CLASP2: variants seen among roughly 807,000 people sequenced by gnomAD.
CLASP2 encodes the protein cytoplasmic linker associated protein 2.
In CLASP2, 47 loss-of-function variants were observed where a neutral mutation model predicts 194.4. The observed-to-expected ratio is 0.24, with a 90% CI of 0.19 to 0.31. The LOEUF is 0.31. Among genes scored for constraint, CLASP2 ranks in the 10% least tolerant of loss-of-function variants. CLASP2 has a pLI of 1.00. For synonymous variants in CLASP2, 619 were observed against 633.5 expected, an observed-to-expected ratio of 0.98 and a Z score of 0.34; for missense variants, 1,445 against 1,823.6, an observed-to-expected ratio of 0.79 and a Z score of 3.78.
At chr3:33,588,134 T>C (rs970254438) in intron 21 of CLASP2, among the ~76,000 whole-genome samples, 1 of 152,178 alleles carries the variant, frequency 6.6e-6, no homozygotes, top group Non-Finnish European at 1.5e-5. Context: ...TCAGTGTTCA[T>C]TTTGCTTTAA....
At chr3:33,690,156 C>G (rs1479206403) in intron 2 of CLASP2, among the ~76,000 whole-genome samples, 1 of 152,008 alleles carries the variant, frequency 6.6e-6, no homozygotes, top group African/African-American at 2.4e-5. Flanking sequence ...AAAAAAACAG[C>G]AAAACTAAAT....
chr3:33,502,857 T>C (rs2047152112), intron 37 of CLASP2: 1 of 152,218 alleles, frequency 6.6e-6, no homozygotes, highest in African/African-American at 2.4e-5. Context: ...TTTTCCATCA[T>C]TTTAATATAA....
At chr3:33,709,464 A>T (rs931870009) in intron 1 of CLASP2, among the ~76,000 whole-genome samples, 1 of 152,126 alleles carries the variant, frequency 6.6e-6, no homozygotes, top group Non-Finnish European at 1.5e-5. Context: ...ATAAGGGGGA[A>T]TCCTTTTAAA....
intron 7 of CLASP2, among the ~76,000 whole-genome samples, chr3:33,651,885 C>G (rs920264654): frequency 6.6e-6 from 1 of 152,128 alleles, no homozygotes; most frequent in Admixed American, 6.5e-5. Flanking sequence ...TCTCAAACTC[C>G]TGACCTCAGG....
intron 1 of CLASP2, among the ~76,000 whole-genome samples, chr3:33,698,058 T>C (rs979543704): frequency 1.1e-4 from 16 of 151,926 alleles, no homozygotes; most frequent in Admixed American, 3.3e-4. Flanking sequence ...CTCTTAAGAC[T>C]AAGGGCTGAG....
intron 27 of CLASP2, among the ~76,000 whole-genome samples, chr3:33,565,828 A>T (rs1020276162): frequency 6.6e-6 from 1 of 151,374 alleles, no homozygotes; most frequent in Non-Finnish European, 1.5e-5. Context: ...AAGAAAAAAA[A>T]ATACAGTATA....
At chr3:33,604,461 T>A (rs923547292) in intron 16 of CLASP2, among the ~76,000 whole-genome samples, 1 of 151,936 alleles carries the variant, frequency 6.6e-6, no homozygotes, top group South Asian at 2.1e-4. Context: ...TGGGACTATA[T>A]GTGCCTGCCA....
At chr3:33,571,811 CAG>C (rs1228053417) in intron 25 of CLASP2, among the ~76,000 whole-genome samples, 3 of 152,060 alleles carry the variant, frequency 2.0e-5, no homozygotes, top group East Asian at 1.9e-4. Flanking sequence ...TCTTTAAAAA[CAG>C]AAACAACAAC....
At chr3:33,668,101 C>A (rs969389421) in intron 6 of CLASP2, among the ~76,000 whole-genome samples, 10 of 152,236 alleles carry the variant, frequency 6.6e-5, no homozygotes, top group Admixed American at 3.3e-4. Flanking sequence ...GGCCTGTAAT[C>A]CCAGCTACTT....
intron 37 of CLASP2, among the ~76,000 whole-genome samples, chr3:33,506,046 C>T (rs181911259): frequency 1.2e-4 from 19 of 152,082 alleles, no homozygotes; most frequent in African/African-American, 4.6e-4. Flanking sequence ...GTGTAAACTT[C>T]ATGAAGTATT....
chr3:33,627,779 A>AG (rs771215350), intron 9 of CLASP2, among the ~76,000 whole-genome samples: 7 of 152,164 alleles, frequency 4.6e-5, no homozygotes, highest in South Asian at 2.1e-4. Flanking sequence ...TATACATAAG[A>AG]GGAGGTTGAC....
intron 3 of CLASP2, 39 bp downstream of exon 3, chr3:33,689,790 T>C: frequency 7.2e-7 from 1 of 1,397,142 alleles, no homozygotes; most frequent in Non-Finnish European, 9.7e-7. Context: ...TTCCTGTGAT[T>C]ACCATTAGCA....
intron 37 of CLASP2, chr3:33,503,813 G>C (rs897436510): frequency 2.0e-5 from 3 of 152,092 alleles, no homozygotes; most frequent in African/African-American, 7.2e-5. Flanking sequence ...AATGTATAAG[G>C]GTTCCAATTT....
intron 6 of CLASP2, among the ~76,000 whole-genome samples, chr3:33,668,686 C>T (rs892064549): frequency 1.3e-5 from 2 of 152,270 alleles, no homozygotes; most frequent in Middle Eastern, 3.4e-3. Context: ...ATAGAAAACA[C>T]TCTGCATGTT....
intron 1 of CLASP2, among the ~76,000 whole-genome samples, chr3:33,704,659 A>G (rs917976415): frequency 2.0e-4 from 30 of 152,220 alleles, no homozygotes; most frequent in Admixed American, 1.0e-3. Context: ...AGGCTGAGGC[A>G]GGAGAATCAC....
chr3:33,531,717 G>T (rs1323619593), intron 34 of CLASP2, among the ~76,000 whole-genome samples: 2 of 152,220 alleles, frequency 1.3e-5, no homozygotes, highest in Non-Finnish European at 2.9e-5. Context: ...GGAGGTTGCA[G>T]TGAGCCAAGA....
intron 9 of CLASP2, among the ~76,000 whole-genome samples, chr3:33,630,324 T>A (rs1258752421): frequency 1.3e-5 from 2 of 152,170 alleles, no homozygotes; most frequent in African/African-American, 4.8e-5. Flanking sequence ...GTACCTAAGG[T>A]TACACAGCTA....
At chr3:33,500,310 T>C (rs747262292) in intron 38 of CLASP2, among the ~76,000 whole-genome samples, 22 of 152,042 alleles carry the variant, frequency 1.4e-4, no homozygotes, top group Non-Finnish European at 2.2e-4. Context: ...CTGTGGGAGC[T>C]ACCACATCTG....
intron 25 of CLASP2, 24 bp downstream of exon 25, chr3:33,573,086 T>C (rs768688019): frequency 3.1e-6 from 5 of 1,611,548 alleles, no homozygotes; most frequent in Admixed American, 1.7e-5. Context: ...GATAGTAAAA[T>C]CATTTTAAGA....
Sources: gnomAD v4.1 joint callset for allele counts (sites outside exome capture counted in the v4.1 genomes callset) on GRCh38, gnomAD v4.1.1 for gene constraint, MANE v1.5 for transcripts, NCBI Gene and HGNC (gene_info 2026-07-23, HGNC 2026-07-21) for gene names.